PIK3R1: variants seen among roughly 807,000 people sequenced by gnomAD.
PIK3R1 encodes phosphoinositide-3-kinase regulatory subunit 1.
PIK3R1 carries 29 observed loss-of-function variants against 98.0 expected under a neutral mutation model. The ratio of observed to expected loss-of-function variants is 0.30; its 90% CI spans 0.22 to 0.40. PIK3R1 has a LOEUF of 0.40. PIK3R1 is among the 10% of genes least tolerant of loss of function. PIK3R1 has a pLI of 1.00. For missense variants in PIK3R1, 596 were observed against 872.7 expected, an observed-to-expected ratio of 0.68 and a Z score of 3.99; for synonymous variants, 282 against 311.8, an observed-to-expected ratio of 0.90 and a Z score of 1.01.
intron 2 of PIK3R1, among the ~76,000 whole-genome samples, chr5:68,268,432 T>C (rs930299779): frequency 3.9e-5 from 6 of 152,194 alleles, no homozygotes; most frequent in Non-Finnish European, 7.3e-5. Context: ...AGTATGAATA[T>C]GCTTTAAAGG....
intron 7 of PIK3R1, among the ~76,000 whole-genome samples, chr5:68,289,569 C>G (rs1042561797): frequency 6.6e-6 from 1 of 151,710 alleles, no homozygotes. Context: ...CCCCTCCCCC[C>G]CCGCCATCAT....
intron 2 of PIK3R1, among the ~76,000 whole-genome samples, chr5:68,246,504 G>T (rs1407882637): frequency 6.6e-6 from 1 of 152,004 alleles, no homozygotes; most frequent in Non-Finnish European, 1.5e-5. Flanking sequence ...GTAGAGACAG[G>T]GTTTCACCAT....
chr5:68,240,780 C>T (rs1360039657), intron 2 of PIK3R1, among the ~76,000 whole-genome samples: 1 of 152,118 alleles, frequency 6.6e-6, no homozygotes, highest in African/African-American at 2.4e-5. Context: ...TTCCTTTCTT[C>T]TTTCCTTCCT....
At chr5:68,265,726 C>T (rs1023735221) in intron 2 of PIK3R1, among the ~76,000 whole-genome samples, 1 of 152,072 alleles carries the variant, frequency 6.6e-6, no homozygotes, top group African/African-American at 2.4e-5. Context: ...AACTGACTTC[C>T]ACATCTGACT....
Position 68,300,289 on chromosome 5 carries a change from G to A in PIK3R1, c.*2688G>A, listed in dbSNP as rs753812585. On this transcript the variant is annotated 3_prime_UTR_variant, in exon 16 of 16. Transcript: ENST00000521381. The stretch of plus-strand genomic sequence containing the variant: ...TGCCCAATGCCTTTTTGATTACAGT[G>A]TAGCTTGCCCACCGCATTTGTCGTT... The A allele has an allele frequency of 9.0e-5, 21 of 232,976 alleles. No individual in the cohort carries two copies. The highest frequency in any genetic ancestry group is 1.4e-4 in the Non-Finnish European group (16 of 117,958). 14.4% of individuals were successfully genotyped at this position (232,976 alleles called of 1,614,324 possible). A position where few individuals can be genotyped will look rare whatever the true frequency, so the allele number is the denominator to read the frequency against.
rs200389947 is a variant in PIK3R1, at chr5:68,262,753, A to G, written c.335-10637A>G. On this transcript the variant is annotated intron_variant, in intron 2 of 15. Transcript: ENST00000521381. ...TATACATGTAGATGCATGTAGATAC[A>G]TGTATACATATATACATGTAGATGC... Among the ~76,000 whole-genome samples, 468 of 125,834 alleles carry G rather than the reference A, an allele frequency of 3.7e-3. 16 individuals carry two copies. The highest frequency in any genetic ancestry group is 7.1e-3 in the African/African-American group (236 of 33,464). The allele number at this position is 125,834 out of a possible 152,430, so 82.6% of individuals were successfully genotyped here.
intron 2 of PIK3R1, among the ~76,000 whole-genome samples, chr5:68,271,712 A>G (rs1316425790): frequency 6.6e-6 from 1 of 152,230 alleles, no homozygotes; most frequent in African/African-American, 2.4e-5. Flanking sequence ...TAATAGTGCT[A>G]CTGTAGGATT....
chr5:68,299,831 AC>A lies in PIK3R1; in HGVS notation c.*2231del. ...AAGCAAAAGTCAGTCTTATAGCAAG[AC>A]TGTTAGCCCTCAAACTTGACTCTAC... On this transcript the variant is annotated 3_prime_UTR_variant, in exon 16 of 16. Coordinates refer to ENST00000521381, the MANE Select transcript of PIK3R1 (RefSeq NM_181523.3). 1 of 233,062 alleles carries A rather than the reference AC, an allele frequency of 4.3e-6. No homozygotes were observed. Among genetic ancestry groups the A allele is most frequent in the Non-Finnish European group, 8.5e-6 (1 of 118,024 alleles). The allele number at this position is 233,062 out of a possible 1,614,324, so 14.4% of individuals were successfully genotyped here.
intron 2 of PIK3R1, among the ~76,000 whole-genome samples, chr5:68,238,586 TAATA>T: frequency 6.6e-6 from 1 of 152,278 alleles, no homozygotes; most frequent in African/African-American, 2.4e-5. Context: ...GTTAAAAATG[TAATA>T]GCATATTAAA....
rs1383740979 is a variant in PIK3R1 at position 68,293,824 on chromosome 5, G to A, written c.1415G>A (p.Arg472His). 7.0e-6 allele frequency: 11 copies of A among 1,567,626 alleles called. No individual in the cohort carries two copies. The highest frequency in any genetic ancestry group is 5.5e-5 in the African/African-American group (4 of 72,502). Residue 472 changes from arginine (R) to histidine (H), a missense_variant, in exon 11 of 16, where the codon CGC becomes CAC. Physicochemically the swap from Arg to His is conservative, Grantham distance 29. Coordinates refer to ENST00000521381, the MANE Select transcript of PIK3R1 (RefSeq NM_181523.3). ...GATAGATTATATGAAGAATATACCC[G>A]CACATCCCAGGTGAGTTTTCTATGA... ...EYDRLYEEYT[R>H]TSQEIQMKRT...
chr5:68,293,948 CATTT>C (rs1469533549), intron 11 of PIK3R1, 114 bp downstream of exon 11: 25 of 801,656 alleles, frequency 3.1e-5, no homozygotes, highest in Admixed American at 1.8e-4. Flanking sequence ...GGGGTGAGAG[CATTT>C]ATTTGTGAAT....
chr5:68,222,231 G>A (rs1744115741), intron 1 of PIK3R1, among the ~76,000 whole-genome samples: 1 of 152,182 alleles, frequency 6.6e-6, no homozygotes, highest in Admixed American at 6.5e-5. Context: ...TAGGCTCCAG[G>A]TCGATCTCGG....
In PIK3R1 at chr5:68,232,100, G is replaced by C. The variant is rs185702829; in HGVS notation, c.334+5091G>C. Among the ~76,000 whole-genome samples, 726 of 152,258 alleles carry C rather than the reference G, an allele frequency of 4.8e-3. 2 individuals carry two copies. The highest frequency in any genetic ancestry group is 0.017 in the African/African-American group (693 of 41,542). On this transcript the variant is annotated intron_variant, in intron 2 of 15. Coordinates refer to ENST00000521381, the MANE Select transcript of PIK3R1 (RefSeq NM_181523.3). ...CTACTGAAATATAATTGATTAAAGA[G>C]TGTGTCTGGAAAAAACAAATGTGCT...
At chr5:68,240,871 T>A (rs1301704534) in intron 2 of PIK3R1, among the ~76,000 whole-genome samples, 1 of 152,196 alleles carries the variant, frequency 6.6e-6, no homozygotes, top group Non-Finnish European at 1.5e-5. Context: ...TTCACAGTGA[T>A]CTTTTTCCAA....
At position 68,273,956 on chromosome 5, in the gene PIK3R1, C is replaced by G. The variant is rs767073354; in HGVS notation, c.445C>G (p.Leu149Val). 1.2e-6 allele frequency: 2 copies of G among 1,613,804 alleles called. No homozygotes were observed. Among genetic ancestry groups the G allele is most frequent in the Non-Finnish European group, 1.7e-6 (2 of 1,179,722 alleles). Reference protein sequence around the residue: ...IEKKGLECSTLYRTQSSSNLA... With the variant: ...IEKKGLECSTVYRTQSSSNLA... Reference sequence around the variant, plus strand: ...TGTCCTAGGTCTGGAATGTTCAACTCTATACAGAACACAGAGCTCCAGCAA... The same window carrying G: ...TGTCCTAGGTCTGGAATGTTCAACTGTATACAGAACACAGAGCTCCAGCAA... Residue 149 changes from leucine to valine, a missense_variant, in exon 4 of 16, where the codon CTA becomes GTA. Physicochemically the swap from Leu to Val is conservative, Grantham distance 32 (BLOSUM62 1). This residue lies in a region of PIK3R1 where 352 missense variants were observed against 393.3 expected (regional missense o/e 0.90). Coordinates refer to ENST00000521381, the MANE Select transcript of PIK3R1 (RefSeq NM_181523.3).
chr5:68,280,963 A>T lies in PIK3R1; in HGVS notation c.873A>T (p.Glu291Asp), dbSNP rs765413963. Residue 291 changes from glutamate (E) to aspartate (D), a missense_variant, in exon 7 of 16, where the codon GAA (glutamate) becomes GAT (aspartate). Glu to Asp is a conservative substitution (Grantham distance 45). Around this residue, in one of 3 missense-constraint regions of PIK3R1, gnomAD observed 352 missense variants for 393.3 expected, o/e 0.90. Coordinates refer to ENST00000521381, the MANE Select transcript of PIK3R1 (RefSeq NM_181523.3). ...CTGAAAACCTCATAAAAGTTATAGAAATTTTAATCTCAACTGAATGGAATG... is the reference window on the plus strand; with the variant it reads ...CTGAAAACCTCATAAAAGTTATAGATATTTTAATCTCAACTGAATGGAATG... ...DNTENLIKVI[E>D]ILISTEWNER... 1.2e-6 allele frequency: 2 copies of T among 1,606,080 alleles called. No homozygotes were observed. Among genetic ancestry groups the T allele is most frequent in the South Asian group, 2.2e-5 (2 of 89,660 alleles).
intron 1 of PIK3R1, among the ~76,000 whole-genome samples, chr5:68,225,222 G>GGCC (rs1484861477): frequency 6.6e-6 from 1 of 151,498 alleles, no homozygotes; most frequent in African/African-American, 2.4e-5. Flanking sequence ...TTCACTATTT[G>GGCC]GCCCTTGGAT....
rs747050262 is a variant in PIK3R1, at chr5:68,279,607, C to G, written c.508C>G (p.Pro170Ala). 2 of 1,612,718 alleles carry G rather than the reference C, an allele frequency of 1.2e-6. No individual in the cohort carries two copies. The highest frequency in any genetic ancestry group is 2.2e-5 in the East Asian group (1 of 44,856). ...ELRQLLDCDT[P>A]SVDLEMIDVH... ...TTTCTTAAATTGTTTCCTAGATACACCCTCCGTGGACTTGGAAATGATCGA... is the reference window on the plus strand; with the variant it reads ...TTTCTTAAATTGTTTCCTAGATACAGCCTCCGTGGACTTGGAAATGATCGA... Residue 170 changes from proline to alanine, a missense_variant, in exon 5 of 16, where the codon CCC becomes GCC. Around this residue, in one of 3 missense-constraint regions of PIK3R1, gnomAD observed 352 missense variants for 393.3 expected, o/e 0.90. Transcript: ENST00000521381.
intron 5 of PIK3R1, chr5:68,280,254 T>G (rs937288590): frequency 1.0e-5 from 5 of 489,832 alleles, no homozygotes; most frequent in African/African-American, 9.7e-5. Flanking sequence ...TTGAAGCTGC[T>G]CAATACTGGG....
Sources: allele counts gnomAD v4.1 joint callset (sites outside exome capture counted in the v4.1 genomes callset), GRCh38; gene constraint gnomAD v4.1.1; regional missense constraint gnomAD v4.1.1; transcripts MANE v1.5; gene names NCBI Gene and HGNC (gene_info 2026-07-23, HGNC 2026-07-21).